Variants in GNAO1 observed in about 807,000 individuals in gnomAD.
The protein encoded by GNAO1 is guanine nucleotide-binding protein G(o) subunit alpha.
For synonymous variants in GNAO1, 164 were observed against 180.7 expected, an observed-to-expected ratio of 0.91 and a Z score of 0.74; for missense variants, 166 against 478.7, an observed-to-expected ratio of 0.35 and a Z score of 6.10.
At chr16:56,288,719 G>A (rs576013870) in intron 3 of GNAO1, among the ~76,000 whole-genome samples, 1 of 152,170 alleles carries the variant, frequency 6.6e-6, no homozygotes, top group Non-Finnish European at 1.5e-5. Flanking sequence ...GAGTCCCCTG[G>A]AACTCAGCAG....
intron 6 of GNAO1, chr16:56,347,954 AC>A (rs1293518975): frequency 2.2e-5 from 20 of 903,680 alleles, no homozygotes; most frequent in Middle Eastern, 5.5e-4. Context: ...CTCCCCACGC[AC>A]CCCCCTCCCC....
At chr16:56,256,558 C>G (rs1391190090) in intron 2 of GNAO1, among the ~76,000 whole-genome samples, 1 of 152,122 alleles carries the variant, frequency 6.6e-6, no homozygotes, top group Non-Finnish European at 1.5e-5. Flanking sequence ...CAGCAGTTCT[C>G]TAATTTAGGA....
chr16:56,205,680 A>G (rs1476911736), intron 2 of GNAO1, among the ~76,000 whole-genome samples: 1 of 125,774 alleles, frequency 8.0e-6, no homozygotes, highest in Admixed American at 7.5e-5. Flanking sequence ...TGTGAAGGCC[A>G]TTGGAAGACC....
In GNAO1 at chr16:56,191,775, C is replaced by T; in HGVS notation, c.-461C>T. On this transcript the variant is annotated 5_prime_UTR_variant, in exon 1 of 9. Transcript: ENST00000262493. The surrounding 1 kb of genome is among the most constrained non-coding windows in gnomAD (Gnocchi z 4.7). ...GCGCCGCCGCCGCCGCCTCCTCCAC[C>T]TCCTCCTCCGCCGCCGCCGCCTCCT... The T allele has an allele frequency of 4.5e-6, 1 of 224,138 alleles. No homozygotes were observed. The highest frequency in any genetic ancestry group is 6.3e-5 in the South Asian group (1 of 15,874). 13.9% of individuals were successfully genotyped at this position (224,138 alleles called of 1,614,324 possible). A position where few individuals can be genotyped will look rare whatever the true frequency, so the allele number is the denominator to read the frequency against.
chr16:56,250,187 G>A (rs148491317), intron 2 of GNAO1, among the ~76,000 whole-genome samples: 133 of 152,312 alleles, frequency 8.7e-4, no homozygotes, highest in Admixed American at 1.9e-3. Flanking sequence ...ACAAGTTGGC[G>A]GGGTTGATGA....
chr16:56,297,245 T>A (rs1567473508), intron 3 of GNAO1, among the ~76,000 whole-genome samples: 1 of 152,224 alleles, frequency 6.6e-6, no homozygotes, highest in East Asian at 1.9e-4. Context: ...CATTCGTATC[T>A]GGTGTGATGT....
intron 2 of GNAO1, chr16:56,270,860 A>G (rs1392620074): frequency 1.3e-5 from 2 of 152,156 alleles, no homozygotes; most frequent in Non-Finnish European, 2.9e-5. Flanking sequence ...GGCTCAAATG[A>G]TGTTTCTGGG....
In GNAO1 at chr16:56,354,156, T is replaced by C. The variant is rs2143703663; in HGVS notation, c.878-710T>C. On this transcript the variant is annotated intron_variant, in intron 7 of 8. Coordinates refer to ENST00000262493, the MANE Select transcript of GNAO1 (RefSeq NM_020988.3). This position sits in a 1 kb window ranked among gnomAD's most constrained non-coding sequence, Gnocchi z 4.3. Reference sequence around the variant, plus strand: ...CCCTCTCCAGACTTTGTTTTCATGGTTTACTGGAATCAGCAGGATTGGTTT... The same window carrying C: ...CCCTCTCCAGACTTTGTTTTCATGGCTTACTGGAATCAGCAGGATTGGTTT... Among the ~76,000 whole-genome samples the C allele has an allele frequency of 6.6e-6, 1 of 152,330 alleles. No individual in the cohort carries two copies. The highest frequency in any genetic ancestry group is 2.1e-4 in the South Asian group (1 of 4,820).
chr16:56,213,701 G>A (rs1468652806), intron 2 of GNAO1, among the ~76,000 whole-genome samples: 1 of 152,174 alleles, frequency 6.6e-6, no homozygotes, highest in East Asian at 1.9e-4. Context: ...AAGCCTTGAT[G>A]GAGGTGAAGG....
intron 2 of GNAO1, among the ~76,000 whole-genome samples, chr16:56,220,894 C>T (rs1318653503): frequency 1.3e-5 from 2 of 152,048 alleles, no homozygotes; most frequent in Non-Finnish European, 2.9e-5. Context: ...ATTACAGGTG[C>T]CTGCCACCGC....
At chr16:56,347,648 C>T in intron 6 of GNAO1, 1 of 985,606 alleles carries the variant, frequency 1.0e-6, no homozygotes, top group Non-Finnish European at 1.2e-6. Flanking sequence ...CAGAAGCTCT[C>T]ATCCCCAGGC....
chr16:56,265,903 C>CATA (rs1298601680), intron 2 of GNAO1, among the ~76,000 whole-genome samples: 2 of 152,114 alleles, frequency 1.3e-5, no homozygotes, highest in African/African-American at 4.8e-5. Context: ...CTTTCCCTAT[C>CATA]ACTCACTAGG....
In GNAO1 at chr16:56,327,611, C is replaced by A. The variant is rs898451167; in HGVS notation, c.304-1020C>A. On this transcript the variant is annotated intron_variant, in intron 3 of 8. Coordinates refer to ENST00000262493, the MANE Select transcript of GNAO1 (RefSeq NM_020988.3). ...GGAGCCTTCTTATCTTCAAAGACCACCACACTCCTGGTTGTGATGTTACAT... is the reference window on the plus strand; with the variant it reads ...GGAGCCTTCTTATCTTCAAAGACCAACACACTCCTGGTTGTGATGTTACAT... Among the ~76,000 whole-genome samples, 5 of 152,286 alleles carry A rather than the reference C, an allele frequency of 3.3e-5. No homozygotes were observed. In the East Asian group the frequency reaches 9.6e-4, roughly 29 times the overall value.
intron 2 of GNAO1, among the ~76,000 whole-genome samples, chr16:56,251,927 T>A (rs565877013): frequency 6.6e-6 from 1 of 152,254 alleles, no homozygotes; most frequent in South Asian, 2.1e-4. Context: ...AAGGACCTTT[T>A]CTGGGGCCCA....
chr16:56,209,062 C>T lies in GNAO1; in HGVS notation c.161+16446C>T, dbSNP rs1267427234. ...TGTCCTATTTAAGAAGAAGTCTTTC[C>T]TTATCTTGAAGCTCAAAGGCTACCC... On this transcript the variant is annotated intron_variant, in intron 2 of 8. Coordinates refer to ENST00000262493, the MANE Select transcript of GNAO1 (RefSeq NM_020988.3). 7.9e-5 allele frequency among the ~76,000 whole-genome samples: 12 copies of T among 152,004 alleles called. 1 individual carries two copies. Among genetic ancestry groups the T allele is most frequent in the Admixed American group, 7.9e-4 (12 of 15,250 alleles).
At chr16:56,195,003 A>G (rs1285273218) in intron 2 of GNAO1, among the ~76,000 whole-genome samples, 1 of 151,724 alleles carries the variant, frequency 6.6e-6, no homozygotes, top group Non-Finnish European at 1.5e-5. Flanking sequence ...GAGGGGGGAA[A>G]ATGAAGTGAG....
At chr16:56,225,530 G>A (rs1190108196) in intron 2 of GNAO1, among the ~76,000 whole-genome samples, 1 of 152,202 alleles carries the variant, frequency 6.6e-6, no homozygotes, top group Non-Finnish European at 1.5e-5. Context: ...TATGAGCTTA[G>A]TTCAGTTGCC....
intron 7 of GNAO1, among the ~76,000 whole-genome samples, chr16:56,353,991 C>T (rs1322475611): frequency 6.6e-6 from 1 of 152,214 alleles, no homozygotes; most frequent in Admixed American, 6.5e-5. Context: ...ACATCAATGC[C>T]CCAATGTCCT....
chr16:56,327,563 G>A (rs1250447204), intron 3 of GNAO1, among the ~76,000 whole-genome samples: 2 of 152,120 alleles, frequency 1.3e-5, no homozygotes, highest in South Asian at 2.1e-4. Flanking sequence ...TGGCGGTGAC[G>A]GTGCAGTCCT....
Sources: gnomAD v4.1 joint callset for allele counts (sites outside exome capture counted in the v4.1 genomes callset) on GRCh38, gnomAD v4.1.1 for gene constraint, Gnocchi (gnomAD v3.1) non-coding constraint, MANE v1.5 for transcripts, NCBI Gene and HGNC (gene_info 2026-07-23, HGNC 2026-07-21) for gene names.